Variants in HPSE2 observed in about 807,000 individuals in gnomAD.
The protein encoded by HPSE2 is heparanase 2 (inactive).
In HPSE2, 38 loss-of-function variants were observed where a neutral mutation model predicts 60.5. The ratio of observed to expected loss-of-function variants is 0.63; its 90% CI spans 0.48 to 0.82. The LOEUF is 0.82. Among genes scored for constraint, HPSE2 ranks in the 40% least tolerant of loss-of-function variants. HPSE2 has a pLI of 0.00. For synonymous variants in HPSE2, 295 were observed against 293.2 expected (o/e 1.01, Z -0.06); for missense variants, 713 against 740.4 (o/e 0.96, Z 0.43).
At chr10:99,308,154 G>A in the HPSE2 span, among the ~76,000 whole-genome samples, 116 of 151,992 alleles carry the variant, frequency 7.6e-4, no homozygotes, top group African/African-American at 2.6e-3. Context: ...TTGGGAGGCC[G>A]AGGCAGGCAG....
chr10:98,690,555 A>G (rs1447388987), intron 6 of HPSE2, among the ~76,000 whole-genome samples: 1 of 152,124 alleles, frequency 6.6e-6, no homozygotes, highest in African/African-American at 2.4e-5. Flanking sequence ...AAATAAATAA[A>G]AATAATAATA....
At chr10:99,215,827 A>G (rs1212687835) in intron 2 of HPSE2, among the ~76,000 whole-genome samples, 1 of 152,212 alleles carries the variant, frequency 6.6e-6, no homozygotes, top group Admixed American at 6.5e-5. Context: ...GACTGTGGCA[A>G]TGGCTGCACA....
intron 3 of HPSE2, among the ~76,000 whole-genome samples, chr10:99,044,750 T>C (rs1368653040): frequency 6.6e-6 from 1 of 151,972 alleles, no homozygotes; most frequent in Admixed American, 6.6e-5. Flanking sequence ...TAAACCAGTA[T>C]AAAATAACAA....
chr10:99,128,854 A>AT (rs1375727822), intron 3 of HPSE2, among the ~76,000 whole-genome samples: 1 of 152,152 alleles, frequency 6.6e-6, no homozygotes, highest in East Asian at 1.9e-4. Flanking sequence ...ATTTAATTTC[A>AT]TTTTTTAAAA....
intron 3 of HPSE2, among the ~76,000 whole-genome samples, chr10:99,094,502 CTTT>C (rs945784380): frequency 1.1e-5 from 1 of 89,954 alleles, no homozygotes; most frequent in African/African-American, 4.8e-5. Flanking sequence ...GTTATTCTCT[CTTT>C]TTTATCATTC....
intron 2 of HPSE2, among the ~76,000 whole-genome samples, chr10:99,184,522 CAAAAAAAAAAAAAAAAAAAAAAA>C (rs200059066): frequency 7.4e-4 from 45 of 60,762 alleles, no homozygotes; most frequent in Non-Finnish European, 1.1e-3. Context: ...GAGACTGTCT[CAAAAAAAAAAAAAAAAAAAAAAA>C]AAAAAAAAAA....
At chr10:99,177,084 C>A (rs1847555298) in intron 2 of HPSE2, among the ~76,000 whole-genome samples, 1 of 152,086 alleles carries the variant, frequency 6.6e-6, no homozygotes, top group Non-Finnish European at 1.5e-5. Context: ...GAGATTTTCA[C>A]ACCACCAGGT....
intron 9 of HPSE2, among the ~76,000 whole-genome samples, chr10:98,588,865 T>C (rs558355655): frequency 2.6e-4 from 40 of 151,040 alleles, no homozygotes; most frequent in Admixed American, 1.3e-3. Context: ...CTAGATGGCA[T>C]CTAGAAGGAA....
chr10:99,155,157 G>A (rs1303630578), intron 2 of HPSE2, among the ~76,000 whole-genome samples: 1 of 139,370 alleles, frequency 7.2e-6, no homozygotes, highest in African/African-American at 2.6e-5. Context: ...AATAATGGGA[G>A]ACTTTAACAC....
chr10:99,103,080 G>A (rs1414996706), intron 3 of HPSE2, among the ~76,000 whole-genome samples: 1 of 152,170 alleles, frequency 6.6e-6, no homozygotes, highest in Non-Finnish European at 1.5e-5. Flanking sequence ...CATAAGACAG[G>A]GATGCCCTTT....
intron 2 of HPSE2, among the ~76,000 whole-genome samples, chr10:99,231,636 T>G (rs1339216076): frequency 6.6e-6 from 1 of 152,088 alleles, no homozygotes; most frequent in Non-Finnish European, 1.5e-5. Flanking sequence ...TCAAAGCCCT[T>G]CCAACACTTA....
chr10:98,580,846 G>A (rs368907240), intron 9 of HPSE2, among the ~76,000 whole-genome samples: 5 of 83,360 alleles, frequency 6.0e-5, no homozygotes, highest in Non-Finnish European at 1.1e-4. Context: ...ATGTGTGTGT[G>A]TGTGTGTGTG....
chr10:98,692,282 G>A (rs1948095232), intron 6 of HPSE2, among the ~76,000 whole-genome samples: 1 of 152,116 alleles, frequency 6.6e-6, no homozygotes. Context: ...TGAAAGAACT[G>A]AAAGACCACT....
Position 99,232,440 on chromosome 10 carries a change from C to A in HPSE2, c.356G>T (p.Arg119Met). ...SPAFLRFGGK[R>M]TDFLQFQNLR... ...GTTCTGGAACTGCAGGAAGTCGGTCCTTTTGCCCCCGAAGCGCAGAAAGGC... is the reference window on the plus strand; with the variant it reads ...GTTCTGGAACTGCAGGAAGTCGGTCATTTTGCCCCCGAAGCGCAGAAAGGC... Residue 119 changes from arginine to methionine, a missense_variant, in exon 2 of 12, where the codon AGG (arginine) becomes ATG (methionine). Transcript: ENST00000370552. The A allele has an allele frequency of 3.9e-6, 6 of 1,557,256 alleles. No individual in the cohort carries two copies. Among genetic ancestry groups the A allele is most frequent in the Non-Finnish European group, 4.3e-6 (5 of 1,150,124 alleles).
chr10:98,828,592 A>G (rs903944881), intron 3 of HPSE2, among the ~76,000 whole-genome samples: 1 of 152,234 alleles, frequency 6.6e-6, no homozygotes, highest in African/African-American at 2.4e-5. Flanking sequence ...ATAAGTACAT[A>G]AAAATATGTT....
At chr10:99,054,997 C>A (rs1476146716) in intron 3 of HPSE2, among the ~76,000 whole-genome samples, 1 of 152,060 alleles carries the variant, frequency 6.6e-6, no homozygotes, top group Non-Finnish European at 1.5e-5. Flanking sequence ...CAAGTGTGAG[C>A]CACTGTGCCC....
chr10:99,119,288 T>C (rs1013976982), intron 3 of HPSE2, among the ~76,000 whole-genome samples: 7 of 152,108 alleles, frequency 4.6e-5, no homozygotes, highest in African/African-American at 1.7e-4. Context: ...TCACTAGCAT[T>C]GCTACACCAA....
At chr10:99,158,761 AAAC>A (rs1846696351) in intron 2 of HPSE2, among the ~76,000 whole-genome samples, 1 of 152,266 alleles carries the variant, frequency 6.6e-6, no homozygotes, top group South Asian at 2.1e-4. Context: ...AAAAAAAAGA[AAAC>A]AACTGAAAAT....
chr10:99,186,580 C>T (rs1264583273), intron 2 of HPSE2, among the ~76,000 whole-genome samples: 1 of 129,684 alleles, frequency 7.7e-6, no homozygotes, highest in African/African-American at 2.9e-5. Flanking sequence ...AAAAGATTTA[C>T]AGCAGACTTG....
Sources: allele counts gnomAD v4.1 joint callset (sites outside exome capture counted in the v4.1 genomes callset), GRCh38; gene constraint gnomAD v4.1.1; transcripts MANE v1.5; gene names NCBI Gene and HGNC (gene_info 2026-07-23, HGNC 2026-07-21).